Variants in GPC4 observed in about 807,000 individuals in gnomAD.
GPC4 encodes the protein glypican-4.
A neutral mutation model predicts 35.0 loss-of-function variants in GPC4; 10 were observed. The observed-to-expected ratio is 0.29, with a 90% confidence interval of 0.18 to 0.48. GPC4 has a LOEUF of 0.48. Among genes scored for constraint, GPC4 ranks in the 20% least tolerant of loss-of-function variants. The pLI, the probability that GPC4 is intolerant of heterozygous loss-of-function variation, is 0.99. For missense variants in GPC4, 322 were observed against 451.3 expected (o/e 0.71, Z 2.60); for synonymous variants, 167 against 170.2 (o/e 0.98, Z 0.15).
intron 2 of GPC4, among the ~76,000 whole-genome samples, chrX:133,334,767 T>C (rs58839385): frequency 0.37 from 41,056 of 110,573 alleles, 6,456 homozygotes; most frequent in African/African-American, 0.6. Flanking sequence ...AAATTTGCTC[T>C]GAAAATGACA....
chrX:133,401,271 C>T (rs776109775), intron 1 of GPC4, among the ~76,000 whole-genome samples: 1 of 111,241 alleles, frequency 9.0e-6, no homozygotes. Context: ...AGGAGTGATA[C>T]GATCTAAGTT....
At chrX:133,374,603 G>GA (rs2068626229) in intron 1 of GPC4, among the ~76,000 whole-genome samples, 1 of 111,790 alleles carries the variant, frequency 8.9e-6, no homozygotes, top group Non-Finnish European at 1.9e-5. Flanking sequence ...ATGACCTTGA[G>GA]AAAAAATCAG....
In GPC4 at chrX:133,347,248, G is replaced by GTTTTTTT. The variant is rs763800349; in HGVS notation, c.161-7914_161-7908dup. Among the ~76,000 whole-genome samples, 109 of 25,416 alleles carry GTTTTTTT rather than the reference G, an allele frequency of 4.3e-3. 22 individuals are homozygous for GTTTTTTT. The highest frequency in any genetic ancestry group is 0.013 in the African/African-American group (96 of 7,188). 22.1% of individuals were successfully genotyped at this position (25,416 alleles called of 115,157 possible). On this transcript the variant is annotated intron_variant, in intron 1 of 8. Transcript: ENST00000370828. ...TAAATCTAAAACTCTTCTATTAGAA[G>GTTTTTTT]TTTTTTTTTTTTTTTTTTTTTTTTT... is the stretch of plus-strand genomic sequence containing the variant.
chrX:133,398,538 C>T (rs1462659995), intron 1 of GPC4, among the ~76,000 whole-genome samples: 1 of 111,569 alleles, frequency 9.0e-6, no homozygotes, highest in Non-Finnish European at 1.9e-5. Flanking sequence ...GAGGTTGAAG[C>T]GGGTGAGTTC....
chrX:133,367,713 A>T (rs924299004), intron 1 of GPC4, among the ~76,000 whole-genome samples: 1 of 111,495 alleles, frequency 9.0e-6, no homozygotes, highest in East Asian at 2.8e-4. Context: ...ACAAAAAATT[A>T]AAAAATTACC....
At chrX:133,303,784 G>A (rs1035871082) in intron 7 of GPC4, among the ~76,000 whole-genome samples, 1 of 110,613 alleles carries the variant, frequency 9.0e-6, no homozygotes, top group African/African-American at 3.3e-5. Context: ...CCCAGGAGGC[G>A]AAGGTTGCAG....
At chrX:133,360,755 T>C (rs1008637138) in intron 1 of GPC4, among the ~76,000 whole-genome samples, 2 of 111,511 alleles carry the variant, frequency 1.8e-5, no homozygotes, top group African/African-American at 3.3e-5. Flanking sequence ...AAGTGACAGC[T>C]GAAAAGGAAG....
chrX:133,389,583 C>T (rs969412712), intron 1 of GPC4, among the ~76,000 whole-genome samples: 8 of 111,266 alleles, frequency 7.2e-5, no homozygotes, highest in Admixed American at 1.9e-4. Flanking sequence ...TAAAGGCCTG[C>T]GGGCGAGACG....
intron 1 of GPC4, among the ~76,000 whole-genome samples, chrX:133,386,924 A>G (rs1279039412): frequency 3.6e-5 from 4 of 111,748 alleles, no homozygotes; most frequent in African/African-American, 1.3e-4. Flanking sequence ...TAATACTTGA[A>G]GGAGGAGGCA....
intron 4 of GPC4, among the ~76,000 whole-genome samples, chrX:133,310,003 AG>A (rs757960012): frequency 8.1e-5 from 9 of 111,599 alleles, no homozygotes; most frequent in Non-Finnish European, 1.7e-4. Flanking sequence ...TGAGCTATTT[AG>A]GCTACAATTG....
intron 3 of GPC4, 99 bp downstream of exon 3, chrX:133,324,046 C>G: frequency 1.1e-6 from 1 of 951,088 alleles, no homozygotes; most frequent in Non-Finnish European, 1.4e-6. Flanking sequence ...ATTGAACCAA[C>G]AGAATTTTGG....
intron 1 of GPC4, among the ~76,000 whole-genome samples, chrX:133,408,647 T>C (rs774771183): frequency 9.0e-6 from 1 of 110,827 alleles, no homozygotes; most frequent in East Asian, 2.9e-4. Flanking sequence ...GGCAGGAGAA[T>C]GGCTTGAACC....
chrX:133,304,257 G>A (rs778888190), intron 7 of GPC4, among the ~76,000 whole-genome samples: 2 of 111,007 alleles, frequency 1.8e-5, no homozygotes, highest in East Asian at 5.7e-4. Context: ...CCGAGATTGT[G>A]CCACTACACT....
At chrX:133,360,525 G>A (rs1432893617) in intron 1 of GPC4, among the ~76,000 whole-genome samples, 1 of 108,372 alleles carries the variant, frequency 9.2e-6, no homozygotes, top group Non-Finnish European at 1.9e-5. Context: ...GGGAAGCCTT[G>A]GGTTTGCCGA....
intron 1 of GPC4, among the ~76,000 whole-genome samples, chrX:133,394,930 T>A (rs2068735931): frequency 8.9e-6 from 1 of 111,796 alleles, no homozygotes; most frequent in African/African-American, 3.3e-5. Context: ...CGTAACAGCC[T>A]CCATAATACA....
At chrX:133,329,009 T>C (rs927563514) in intron 2 of GPC4, among the ~76,000 whole-genome samples, 1 of 111,750 alleles carries the variant, frequency 8.9e-6, no homozygotes, top group Non-Finnish European at 1.9e-5. Flanking sequence ...CTTAAGTATA[T>C]ACATTCTAAA....
At chrX:133,316,497 A>G (rs1328647991) in intron 3 of GPC4, among the ~76,000 whole-genome samples, 2 of 111,816 alleles carry the variant, frequency 1.8e-5, no homozygotes, top group Non-Finnish European at 3.8e-5. Context: ...CTAGTACAGT[A>G]TCTCCATGTA....
Position 133,303,278 on chromosome X carries a change from A to G in GPC4, c.1356T>C (p.Val452=). ...TCAGTATGTCTGGTTTGCTGGTGTC[A>G]ACCTGGACCTCTGGGTTGTTGCCCT... ...ANQGNNPEVQ[V]DTSKPDILIL... is the part of the protein sequence containing the mutation. Residue 452 remains valine (V), a synonymous_variant, in exon 8 of 9, where the codon GTT becomes GTC. Transcript: ENST00000370828. 2 of 1,211,076 alleles carry G rather than the reference A, an allele frequency of 1.7e-6. No individual in the cohort carries two copies. The highest frequency in any genetic ancestry group is 2.2e-6 in the Non-Finnish European group (2 of 894,937).
intron 4 of GPC4, among the ~76,000 whole-genome samples, chrX:133,308,100 C>T (rs766632132): frequency 8.9e-6 from 1 of 112,215 alleles, no homozygotes. Context: ...CTGCCTCTAA[C>T]CCCTGGAGGA....
Sources: gnomAD v4.1 joint callset for allele counts (sites outside exome capture counted in the v4.1 genomes callset) on GRCh38, gnomAD v4.1.1 for gene constraint, MANE v1.5 for transcripts, NCBI Gene and HGNC (gene_info 2026-07-23, HGNC 2026-07-21) for gene names.